The following PXDNL variants were observed in gnomAD, a reference collection of about 807,000 sequenced individuals.
The protein encoded by PXDNL is peroxidasin like.
Under a neutral mutation model 150.8 loss-of-function variants are expected in PXDNL, and 145 were observed. The ratio of observed to expected loss-of-function variants is 0.96; its 90% CI spans 0.84 to 1.10. PXDNL has a LOEUF of 1.10. Ranked by LOEUF, PXDNL falls within the 50% of genes least tolerant of loss-of-function variation. The pLI is 0.00. For missense variants in PXDNL, 2,087 were observed against 1,873.9 expected (o/e 1.11, Z -2.10); for synonymous variants, 757 against 725.7 (o/e 1.04, Z -0.69).
chr8:51,566,868 T>C (rs1454627661), intron 3 of PXDNL, among the ~76,000 whole-genome samples: 1 of 151,560 alleles, frequency 6.6e-6, no homozygotes, highest in African/African-American at 2.4e-5. Flanking sequence ...TCTCCTATGA[T>C]TGGAAGTCTA....
At chr8:51,331,629 G>A (rs1805691647) in intron 21 of PXDNL, among the ~76,000 whole-genome samples, 1 of 152,106 alleles carries the variant, frequency 6.6e-6, no homozygotes, top group Admixed American at 6.5e-5. Flanking sequence ...AAACAGACTA[G>A]GGGCTGTTGC....
intron 2 of PXDNL, among the ~76,000 whole-genome samples, chr8:51,608,906 C>T (rs1395586514): frequency 6.7e-6 from 1 of 149,224 alleles, no homozygotes; most frequent in Non-Finnish European, 1.5e-5. Context: ...TATGTTTTCT[C>T]TGAATGTAAT....
At chr8:51,368,117 G>A (rs181417427) in intron 19 of PXDNL, among the ~76,000 whole-genome samples, 177 of 152,182 alleles carry the variant, frequency 1.2e-3, no homozygotes, top group African/African-American at 3.9e-3. Flanking sequence ...GCTGGGTAAC[G>A]AGCAAAACTC....
chr8:51,556,177 C>A (rs1438755974), intron 4 of PXDNL, among the ~76,000 whole-genome samples: 3 of 151,994 alleles, frequency 2.0e-5, no homozygotes, highest in Non-Finnish European at 2.9e-5. Context: ...GGGGCTGAGG[C>A]ACAAGAATCA....
intron 12 of PXDNL, among the ~76,000 whole-genome samples, chr8:51,436,798 C>T (rs772405002): frequency 3.3e-5 from 5 of 151,792 alleles, no homozygotes; most frequent in Non-Finnish European, 7.4e-5. Flanking sequence ...CCTCAAGGAA[C>T]TAGAGAAAGA....
intron 12 of PXDNL, among the ~76,000 whole-genome samples, chr8:51,427,686 A>T (rs897113402): frequency 6.6e-6 from 1 of 152,212 alleles, no homozygotes; most frequent in African/African-American, 2.4e-5. Context: ...GCCTATATTC[A>T]ACGCTCATTA....
intron 1 of PXDNL, among the ~76,000 whole-genome samples, chr8:51,679,225 T>C (rs994219099): frequency 2.0e-5 from 3 of 152,176 alleles, no homozygotes; most frequent in Non-Finnish European, 2.9e-5. Context: ...GCCTGGGAAA[T>C]GGGCTGTTAC....
intron 19 of PXDNL, among the ~76,000 whole-genome samples, chr8:51,368,954 C>G (rs565458315): frequency 7.2e-5 from 11 of 152,194 alleles, no homozygotes; most frequent in African/African-American, 2.4e-4. Context: ...CGAGATTGCA[C>G]CACTGCACTC....
Position 51,371,790 on chromosome 8 carries a change from C to T in PXDNL, c.3901+83G>A, listed in dbSNP as rs373564393. The T allele has an allele frequency of 6.9e-5, 83 of 1,210,876 alleles. 1 individual carries two copies. The highest frequency in any genetic ancestry group is 4.6e-4 in the South Asian group (34 of 73,648). 75.0% of individuals were successfully genotyped at this position (1,210,876 alleles called of 1,614,324 possible). On this transcript the variant is annotated intron_variant, in intron 19 of 22. Transcript: ENST00000356297. The stretch of plus-strand genomic sequence containing the variant: ...GCTTTTTGCGTATCTTTCTTTAAAT[C>T]GCATAATCTTTACCACTGAAAACAA...
chr8:51,594,509 T>G (rs1813520473), intron 2 of PXDNL, among the ~76,000 whole-genome samples: 1 of 152,216 alleles, frequency 6.6e-6, no homozygotes, highest in Non-Finnish European at 1.5e-5. Flanking sequence ...GCATATTCTT[T>G]TAGAGTTATT....
intron 17 of PXDNL, among the ~76,000 whole-genome samples, chr8:51,398,607 A>G (rs1808159238): frequency 6.6e-6 from 1 of 152,246 alleles, no homozygotes; most frequent in Admixed American, 6.5e-5. Context: ...CATGGCCAAC[A>G]GCATTTGGAA....
At chr8:51,417,132 T>A (rs1276331285) in intron 14 of PXDNL, among the ~76,000 whole-genome samples, 1 of 152,190 alleles carries the variant, frequency 6.6e-6, no homozygotes, top group Non-Finnish European at 1.5e-5. Flanking sequence ...GTCTCAAAAA[T>A]CATCTCAGTT....
At chr8:51,463,813 C>T (rs575932842) in intron 8 of PXDNL, among the ~76,000 whole-genome samples, 2 of 152,092 alleles carry the variant, frequency 1.3e-5, no homozygotes, top group South Asian at 4.1e-4. Context: ...TCTCAAAATA[C>T]GGAAATTGAA....
chr8:51,463,018 A>G (rs1379065857), intron 8 of PXDNL, among the ~76,000 whole-genome samples: 1 of 152,236 alleles, frequency 6.6e-6, no homozygotes, highest in Non-Finnish European at 1.5e-5. Context: ...AGAATTTCAT[A>G]TCCAGCCAAA....
intron 1 of PXDNL, among the ~76,000 whole-genome samples, chr8:51,789,237 T>C (rs2037488957): frequency 6.6e-6 from 1 of 151,562 alleles, no homozygotes. Flanking sequence ...ACTCATACGG[T>C]GAGTTCAATC....
chr8:51,496,657 A>G (rs2130266837), intron 5 of PXDNL, among the ~76,000 whole-genome samples: 1 of 152,332 alleles, frequency 6.6e-6, no homozygotes, highest in East Asian at 1.9e-4. Flanking sequence ...ACAAACAGAG[A>G]GCCAAATCAT....
intron 1 of PXDNL, among the ~76,000 whole-genome samples, chr8:51,722,926 T>G (rs936329304): frequency 1.3e-5 from 2 of 152,034 alleles, no homozygotes; most frequent in Non-Finnish European, 2.9e-5. Flanking sequence ...CCAGGGAACT[T>G]CTTTTTTCTA....
chr8:51,631,030 T>C (rs1814479345), intron 2 of PXDNL, among the ~76,000 whole-genome samples: 1 of 152,028 alleles, frequency 6.6e-6, no homozygotes, highest in African/African-American at 2.4e-5. Flanking sequence ...AGAATCAACT[T>C]AAAAGGCCAT....
At chr8:51,776,869 C>T (rs2037359294) in intron 1 of PXDNL, among the ~76,000 whole-genome samples, 2 of 152,118 alleles carry the variant, frequency 1.3e-5, no homozygotes, top group South Asian at 4.1e-4. Flanking sequence ...CTTTAACTCT[C>T]TCCCTTCTGT....
Sources: gnomAD v4.1 joint callset for allele counts (sites outside exome capture counted in the v4.1 genomes callset) on GRCh38, gnomAD v4.1.1 for gene constraint, MANE v1.5 for transcripts, NCBI Gene and HGNC (gene_info 2026-07-23, HGNC 2026-07-21) for gene names.